The following ATP10A variants were observed in gnomAD, a reference collection of about 807,000 sequenced individuals.
ATP10A encodes phospholipid-transporting ATPase VA.
A neutral mutation model predicts 147.8 loss-of-function variants in ATP10A; 111 were observed. The ratio of observed to expected loss-of-function variants is 0.75; its 90% CI spans 0.64 to 0.88. The LOEUF (loss-of-function observed/expected upper bound fraction) is 0.88, where lower values mean the gene tolerates loss of function less well. Among genes scored for constraint, ATP10A ranks in the 40% least tolerant of loss-of-function variants. The pLI, the probability that ATP10A is intolerant of heterozygous loss-of-function variation, is 0.00. For synonymous variants in ATP10A, 875 were observed against 841.6 expected, an observed-to-expected ratio of 1.04 and a Z score of -0.69; for missense variants, 1,927 against 1,959.0, an observed-to-expected ratio of 0.98 and a Z score of 0.31.
At chr15:25,788,842 G>C (rs1890285585) in intron 1 of ATP10A, among the ~76,000 whole-genome samples, 1 of 152,212 alleles carries the variant, frequency 6.6e-6, no homozygotes, top group South Asian at 2.1e-4. Context: ...CATTGGAAGA[G>C]AACAATTAAT....
At chr15:25,765,863 C>A (rs1162519147) in intron 2 of ATP10A, among the ~76,000 whole-genome samples, 1 of 152,202 alleles carries the variant, frequency 6.6e-6, no homozygotes, top group Admixed American at 6.5e-5. Context: ...GTGCTGAGGG[C>A]GGCCACCCTT....
intron 1 of ATP10A, among the ~76,000 whole-genome samples, chr15:25,855,937 G>A (rs1893498003): frequency 6.6e-6 from 1 of 152,122 alleles, no homozygotes; most frequent in Non-Finnish European, 1.5e-5. Context: ...TAAAGAATGT[G>A]ACTTAGTGAA....
At chr15:25,702,727 C>A (rs564703149) in intron 12 of ATP10A, among the ~76,000 whole-genome samples, 15 of 149,962 alleles carry the variant, frequency 1.0e-4, no homozygotes, top group Non-Finnish European at 1.8e-4. Flanking sequence ...CTATTGACTG[C>A]GGAAATGTGC....
rs368373142 is a variant in ATP10A, at chr15:25,722,013, A to C, written c.1111-104T>G. Reference sequence around the variant, plus strand: ...CAAATGACTACAACCGCAAGAAAGTAGGGACTATACTGTACCTTTAAGAGA... The same window carrying C: ...CAAATGACTACAACCGCAAGAAAGTCGGGACTATACTGTACCTTTAAGAGA... On this transcript the variant is annotated intron_variant, in intron 6 of 20. Coordinates refer to ENST00000555815, the MANE Select transcript of ATP10A (RefSeq NM_024490.4). 1.0e-5 allele frequency: 13 copies of C among 1,292,006 alleles called. No homozygotes were observed. The African/African-American group carries it at 1.9e-4, about 19-fold the overall frequency. 80.0% of individuals were successfully genotyped at this position (1,292,006 alleles called of 1,614,324 possible).
chr15:25,765,063 C>T (rs1022984228), intron 2 of ATP10A, among the ~76,000 whole-genome samples: 3 of 152,192 alleles, frequency 2.0e-5, no homozygotes, highest in Non-Finnish European at 4.4e-5. Context: ...ACGATTTTCT[C>T]CTTGAAGCCT....
rs1901622324 is a variant in ATP10A at position 25,714,081 on chromosome 15, G to T, written c.1937C>A (p.Ser646Tyr). The T allele has an allele frequency of 1.2e-6, 2 of 1,613,278 alleles. No individual in the cohort carries two copies. Among genetic ancestry groups the T allele is most frequent in the Non-Finnish European group, 1.7e-6 (2 of 1,180,028 alleles). Residue 646 changes from serine (S) to tyrosine (Y), a missense_variant, in exon 10 of 21, where the codon TCC (serine) becomes TAC (tyrosine). Transcript: ENST00000555815. ...KLGSSFPSTP[S>Y]SDGMLLRLEE... ...CAGCCTGAGAAGCATGCCGTCGCTG[G>T]ACGGGGTGGACGGGAAGCTGGAGCC...
At chr15:25,675,516 A>C (rs1423708831), downstream of ATP10A, among the ~76,000 whole-genome samples, 1 of 151,884 alleles carries the variant, frequency 6.6e-6, no homozygotes, top group African/African-American at 2.4e-5. Context: ...CCCGTGTAAC[A>C]GCAGCCACAC....
intron 2 of ATP10A, among the ~76,000 whole-genome samples, chr15:25,757,928 C>T (rs867190017): frequency 0.01 from 104 of 10,380 alleles, 3 homozygotes; most frequent in East Asian, 0.02. Flanking sequence ...CTCATTCCGA[C>T]CACCTGCTCC....
At chr15:25,840,763 C>T (rs138407867) in intron 1 of ATP10A, among the ~76,000 whole-genome samples, 1 of 152,248 alleles carries the variant, frequency 6.6e-6, no homozygotes, top group East Asian at 1.9e-4. Context: ...TACATTCCCA[C>T]AGCAACGTAG....
upstream of ATP10A, among the ~76,000 whole-genome samples, chr15:25,864,114 C>T (rs1029497067): frequency 6.6e-6 from 1 of 151,452 alleles, no homozygotes; most frequent in African/African-American, 2.4e-5. Flanking sequence ...GCGGGGGAGG[C>T]GAGGATGGTT....
chr15:25,727,939 G>A (rs538791527), intron 3 of ATP10A, among the ~76,000 whole-genome samples: 2 of 152,300 alleles, frequency 1.3e-5, no homozygotes, highest in African/African-American at 4.8e-5. Context: ...GACCGCCCTG[G>A]GACAGATATG....
At chr15:25,721,401 A>G (rs887391612) in intron 7 of ATP10A, among the ~76,000 whole-genome samples, 34 of 152,148 alleles carry the variant, frequency 2.2e-4, no homozygotes, top group African/African-American at 8.0e-4. Context: ...GCTTAGGCGG[A>G]TGCCTGGCAC....
intron 1 of ATP10A, among the ~76,000 whole-genome samples, chr15:25,801,477 G>GCC (rs1890936872): frequency 5.9e-5 from 9 of 152,206 alleles, no homozygotes; most frequent in Admixed American, 5.9e-4. Context: ...TAAGGTGCAT[G>GCC]CAGCGCTTAG....
chr15:25,785,421 C>T (rs1890113300), intron 1 of ATP10A, among the ~76,000 whole-genome samples: 1 of 152,182 alleles, frequency 6.6e-6, no homozygotes, highest in African/African-American at 2.4e-5. Flanking sequence ...TTCCAGGCTC[C>T]AGAACTGCGA....
chr15:25,755,550 G>A (rs1303796549), intron 2 of ATP10A, among the ~76,000 whole-genome samples: 2 of 152,176 alleles, frequency 1.3e-5, no homozygotes, highest in East Asian at 3.9e-4. Context: ...GAAAACAACA[G>A]TTTCCAAAAA....
intron 2 of ATP10A, among the ~76,000 whole-genome samples, chr15:25,765,144 A>G (rs566911858): frequency 1.3e-5 from 2 of 152,268 alleles, no homozygotes; most frequent in Non-Finnish European, 2.9e-5. Context: ...TGGAGCCCTC[A>G]TGATGAAGTC....
At chr15:25,749,615 G>A (rs1384268008) in intron 2 of ATP10A, among the ~76,000 whole-genome samples, 1 of 152,088 alleles carries the variant, frequency 6.6e-6, no homozygotes, top group Non-Finnish European at 1.5e-5. Context: ...AAGATTATCA[G>A]GCATGCAAAG....
chr15:25,851,687 C>G (rs1893304880), intron 1 of ATP10A, among the ~76,000 whole-genome samples: 1 of 152,114 alleles, frequency 6.6e-6, no homozygotes, highest in South Asian at 2.1e-4. Flanking sequence ...CCCAATATTT[C>G]AAAATTCTTT....
chr15:25,718,239 C>T lies in ATP10A; in HGVS notation c.1524G>A (p.Arg508=). The part of the protein sequence containing the change: ...STKSHRRTGS[R]AEAKRASMLS... ...GCATGCTGGCCCTCTTGGCCTCGGC[C>T]CGGCTGCCCGTGCGCCGGTGGGACT... The change falls in exon 8 of 21, where the codon CGG becomes CGA. Residue 508 remains arginine (R), a synonymous_variant. Transcript: ENST00000555815. 6.2e-7 allele frequency: 1 copy of T among 1,613,038 alleles called. No homozygotes were observed. The highest frequency in any genetic ancestry group is 8.5e-7 in the Non-Finnish European group (1 of 1,180,000).
Sources: allele counts gnomAD v4.1 joint callset (sites outside exome capture counted in the v4.1 genomes callset), GRCh38; gene constraint gnomAD v4.1.1; transcripts MANE v1.5; gene names NCBI Gene and HGNC (gene_info 2026-07-23, HGNC 2026-07-21).